ADCY6: variants seen among roughly 807,000 people sequenced by gnomAD.
ADCY6 encodes the protein adenylate cyclase type 6.
A neutral mutation model predicts 111.6 loss-of-function variants in ADCY6; 59 were observed. The ratio of observed to expected loss-of-function variants is 0.53; its 90% confidence interval spans 0.43 to 0.66. The LOEUF is 0.66. Ranked by LOEUF, ADCY6 falls within the 30% of genes least tolerant of loss-of-function variation. The pLI is 0.00. For missense variants in ADCY6, 1,242 were observed against 1,595.6 expected (o/e 0.78, Z 3.78); for synonymous variants, 576 against 642.9 (o/e 0.90, Z 1.57).
At chr12:48,768,820 T>C in intron 21 of ADCY6, 104 bp from the exon 22 acceptor site, 1 of 1,552,992 alleles carries the variant, frequency 6.4e-7, no homozygotes, top group Non-Finnish European at 8.7e-7. Context: ...CCCCAGTCCC[T>C]GCCCCACCAT....
In ADCY6 at chr12:48,771,252, CT is replaced by C; in HGVS notation, c.3052-283del. Reference sequence around the variant, plus strand: ...ATTAAGCAATTTCTCCAATCCTTACCTTTTGGGATACTGAGTCCCAGAGTGA... The same window carrying C: ...ATTAAGCAATTTCTCCAATCCTTACCTTTGGGATACTGAGTCCCAGAGTGA... On this transcript the variant is annotated intron_variant, in intron 19 of 21. Coordinates refer to ENST00000357869, the MANE Select transcript of ADCY6 (RefSeq NM_015270.5). The surrounding 1 kb of genome is among the most constrained non-coding windows in gnomAD (Gnocchi z 4.3). The C allele has an allele frequency of 1.9e-6, 1 of 514,292 alleles. No homozygotes were observed. Among genetic ancestry groups the C allele is most frequent in the Non-Finnish European group, 3.5e-6 (1 of 284,110 alleles). The allele number at this position is 514,292 out of a possible 1,614,324, so 31.9% of individuals were successfully genotyped here.
At position 48,783,029 on chromosome 12, in the gene ADCY6, G is replaced by C; in HGVS notation, c.406C>G (p.Leu136Val). 1 of 1,613,634 alleles carries C rather than the reference G, an allele frequency of 6.2e-7. No homozygotes were observed. The highest frequency in any genetic ancestry group is 8.5e-7 in the Non-Finnish European group (1 of 1,179,888). Reference sequence around the variant, plus strand: ...AAGTACCGCTGGTACAGGCGCTCCAGCTTGGCCGAACGGAACTGCTTCGAC... The same window carrying C: ...AAGTACCGCTGGTACAGGCGCTCCACCTTGGCCGAACGGAACTGCTTCGAC... The part of the protein sequence containing the change: ...FQSKQFRSAK[L>V]ERLYQRYFFQ... Residue 136 changes from leucine to valine, a missense_variant, in exon 2 of 22, where the codon CTG becomes GTG. Physicochemically the swap from Leu to Val is conservative, Grantham distance 32. Around this residue, in one of 4 missense-constraint regions of ADCY6, gnomAD observed 362 missense variants for 377.2 expected, o/e 0.96. Transcript: ENST00000357869.
intron 1 of ADCY6, 152 bp from the exon 2 acceptor site, chr12:48,783,590 G>A: frequency 6.8e-7 from 1 of 1,468,040 alleles, no homozygotes; most frequent in Non-Finnish European, 9.0e-7. Flanking sequence ...TTACTTGGAG[G>A]TAGGCAACAA....
intron 21 of ADCY6, 42 bp from the exon 22 acceptor site, chr12:48,768,758 C>A (rs1041138240): frequency 5.0e-6 from 8 of 1,605,542 alleles, no homozygotes; most frequent in Non-Finnish European, 6.8e-6. Context: ...TGGAATCCTT[C>A]CTGCTGCATT....
rs1463175175 is a variant in ADCY6, at chr12:48,775,128, C to T, written c.1981-74G>A. ...CAGGGACAGCAAGGACAGGGCACTA[C>T]CAGGGGTCTCAACAGGGAGGAGATG... is the stretch of plus-strand genomic sequence containing the variant. On this transcript the variant is annotated intron_variant, in intron 11 of 21. Coordinates refer to ENST00000357869, the MANE Select transcript of ADCY6 (RefSeq NM_015270.5). 18 of 1,458,240 alleles carry T rather than the reference C, an allele frequency of 1.2e-5. No individual in the cohort carries two copies. The South Asian group carries it at 1.6e-4, about 13-fold the overall frequency. The allele number at this position is 1,458,240 out of a possible 1,614,324, so 90.3% of individuals were successfully genotyped here. A position where few individuals can be genotyped will look rare whatever the true frequency, so the allele number is the denominator to read the frequency against.
rs373766858 is a variant in ADCY6, at chr12:48,772,387, G to C, written c.2695C>G (p.Pro899Ala). ...AGRVALKYMT[P>A]VILLVFALAL... ...AGCGCAAACACCAGCAGAATCACAGGGGTCATATATTTGAGGGCCACCCTC... is the reference window on the plus strand; with the variant it reads ...AGCGCAAACACCAGCAGAATCACAGCGGTCATATATTTGAGGGCCACCCTC... Residue 899 changes from proline to alanine, a missense_variant, in exon 18 of 22, where the codon CCT (proline) becomes GCT (alanine). Transcript: ENST00000357869. 15 of 1,614,070 alleles carry C rather than the reference G, an allele frequency of 9.3e-6. No homozygotes were observed. The African/African-American group carries it at 2.0e-4, about 22-fold the overall frequency.
chr12:48,780,000 C>G (rs1379216047), intron 2 of ADCY6, among the ~76,000 whole-genome samples: 1 of 152,152 alleles, frequency 6.6e-6, no homozygotes, highest in Non-Finnish European at 1.5e-5. Context: ...CTGAGCTCCC[C>G]CTCCCAGCAG....
At chr12:48,775,639 A>G in intron 10 of ADCY6, 34 bp downstream of exon 10, 10 of 1,605,982 alleles carry the variant, frequency 6.2e-6, no homozygotes, top group Non-Finnish European at 8.5e-6. Context: ...CCCAGGGTGC[A>G]AGTGCCTTCT....
chr12:48,770,053 G>A (rs1592153629), intron 20 of ADCY6, among the ~76,000 whole-genome samples: 1 of 148,740 alleles, frequency 6.7e-6, no homozygotes, highest in East Asian at 1.9e-4. Context: ...GAGCCACTGC[G>A]CCCGGCCTAA....
chr12:48,773,433 C>T, intron 16 of ADCY6, 36 bp downstream of exon 16: 2 of 1,602,644 alleles, frequency 1.2e-6, no homozygotes, highest in Non-Finnish European at 1.7e-6. Flanking sequence ...GTGAGGGAAG[C>T]TCCTGGGGTA....
At position 48,777,309 on chromosome 12, in the gene ADCY6, C is replaced by T. The variant is rs181298542; in HGVS notation, c.1249-78G>A. On this transcript the variant is annotated intron_variant, in intron 5 of 21. Transcript: ENST00000357869. This position sits in a 1 kb window ranked among gnomAD's most constrained non-coding sequence, Gnocchi z 4.9. ...AGCCTGCATGGCCCACCACCCTCCACGCATACTCTATCTGCCCTCAAATCC... is the reference window on the plus strand; with the variant it reads ...AGCCTGCATGGCCCACCACCCTCCATGCATACTCTATCTGCCCTCAAATCC... 2,790 of 1,593,982 alleles carry T rather than the reference C, an allele frequency of 1.8e-3. 75 individuals are homozygous for T. In the Admixed American group the frequency reaches 0.039, roughly 22 times the overall value.
In ADCY6 at chr12:48,783,384, T is replaced by G. The variant is rs1487477765; in HGVS notation, c.51A>C (p.Thr17=). The stretch of plus-strand genomic sequence containing the variant: ...TCTGCCCATTGCGTTCACCCCAGGC[T>G]GTTTTCCGTTCATCCACTTTAGGGA... ...LLVPKVDERK[T]AWGERNGQKR... is the part of the protein sequence containing the mutation. Residue 17 remains threonine (T), a synonymous_variant, in exon 2 of 22, where the codon ACA becomes ACC. Transcript: ENST00000357869. 1.9e-6 allele frequency: 3 copies of G among 1,614,096 alleles called. No individual in the cohort carries two copies. The highest frequency in any genetic ancestry group is 2.5e-6 in the Non-Finnish European group (3 of 1,180,038).
chr12:48,789,699 G>T (rs1484905676), upstream of ADCY6: 1 of 152,022 alleles, frequency 6.6e-6, no homozygotes, highest in Non-Finnish European at 1.5e-5. Context: ...AGGTGTGTGC[G>T]GCCTGCTTGC....
At chr12:48,778,502 C>T in intron 2 of ADCY6, 1 of 508,148 alleles carries the variant, frequency 2.0e-6, no homozygotes. Flanking sequence ...CTTCTGGAAG[C>T]AGAAGACCAA....
chr12:48,788,493 G>A (rs934885902), intron 1 of ADCY6, among the ~76,000 whole-genome samples: 3 of 151,884 alleles, frequency 2.0e-5, no homozygotes, highest in African/African-American at 7.3e-5. Context: ...AGGGACTCCC[G>A]CAGACAGAGG....
upstream of ADCY6, chr12:48,789,583 AG>A (rs10711161): frequency 0.52 from 58,194 of 111,242 alleles, 12,566 homozygotes; most frequent in East Asian, 0.92. Context: ...CCCCTGCCCC[AG>A]CCCCAGCCCC....
Position 48,774,042 on chromosome 12 carries a change from T to C in ADCY6, c.2340A>G (p.Thr780=). The C allele has an allele frequency of 6.2e-7, 1 of 1,612,638 alleles. No homozygotes were observed. Among genetic ancestry groups the C allele is most frequent in the Non-Finnish European group, 8.5e-7 (1 of 1,179,444 alleles). Residue 780 remains threonine, a synonymous_variant, in exon 15 of 22, where the codon ACA becomes ACG. Transcript: ENST00000357869. ...GGTGGCAGGCAGTGATGTCAGCAGG[T>C]GTTAAATTCAGCATCCGGGCTGCAC... is the stretch of plus-strand genomic sequence containing the variant. ...RSCAARMLNL[T]PADITACHLQ...
chr12:48,769,132 G>A, intron 20 of ADCY6, 71 bp from the exon 21 acceptor site: 1 of 1,403,710 alleles, frequency 7.1e-7, no homozygotes, highest in Non-Finnish European at 9.4e-7. Flanking sequence ...CCCACCTCCT[G>A]GCACTGGTAG....
At chr12:48,769,111 C>A (rs779062982) in intron 20 of ADCY6, 50 bp from the exon 21 acceptor site, 11 of 1,504,458 alleles carry the variant, frequency 7.3e-6, no homozygotes, top group Non-Finnish European at 9.8e-6. Flanking sequence ...AGGGTAAACC[C>A]AGGGAGTCAT....
Sources: allele counts gnomAD v4.1 joint callset (sites outside exome capture counted in the v4.1 genomes callset), GRCh38; gene constraint gnomAD v4.1.1; regional missense constraint gnomAD v4.1.1; non-coding constraint Gnocchi (gnomAD v3.1); transcripts MANE v1.5; gene names NCBI Gene and HGNC (gene_info 2026-07-23, HGNC 2026-07-21).